Variants in SMAD2 observed in about 807,000 individuals in gnomAD.
SMAD2 encodes the protein SMAD family member 2, also known as MAD homolog 2.
Under a neutral mutation model 64.4 loss-of-function variants are expected in SMAD2, and 8 were observed. The ratio of observed to expected loss-of-function variants is 0.12; its 90% confidence interval spans 0.07 to 0.22. The LOEUF (loss-of-function observed/expected upper bound fraction) is 0.22, where lower values mean the gene tolerates loss of function less well. Among genes scored for constraint, SMAD2 ranks in the 10% least tolerant of loss-of-function variants. The probability of loss-of-function intolerance (pLI) is 1.00; values close to 1 mark genes in which losing one functional copy is unlikely to be tolerated. For missense variants in SMAD2, 289 were observed against 561.2 expected (o/e 0.51, Z 4.90); for synonymous variants, 203 against 195.8 (o/e 1.04, Z -0.31).
At chr18:47,846,221 T>G (rs921304701) in intron 8 of SMAD2, among the ~76,000 whole-genome samples, 2 of 152,116 alleles carry the variant, frequency 1.3e-5, no homozygotes, top group Admixed American at 6.5e-5. Context: ...CATCAAAAAG[T>G]CATTTGCCAT....
intron 1 of SMAD2, among the ~76,000 whole-genome samples, chr18:47,927,863 C>A (rs554145053): frequency 1.3e-5 from 2 of 152,344 alleles, no homozygotes; most frequent in African/African-American, 4.8e-5. Context: ...CGTGCCATTG[C>A]ACTCCAGCCT....
Position 47,831,298 on chromosome 18 carries a change from G to C in SMAD2, c.*10529C>G, listed in dbSNP as rs1912980625. ...CACACAGGTGAGAGTTCTGTTCCAA[G>C]ATCTCATTTTGACCTTCTTCAAAGG... On this transcript the variant is annotated 3_prime_UTR_variant, in exon 11 of 11. Transcript: ENST00000262160. 2 of 152,168 alleles carry C rather than the reference G, an allele frequency of 1.3e-5. No individual in the cohort carries two copies. Among genetic ancestry groups the C allele is most frequent in the African/African-American group, 2.4e-5 (1 of 41,434 alleles). The allele number at this position is 152,168 out of a possible 1,614,324, so 9.4% of individuals were successfully genotyped here.
chr18:47,851,321 G>A lies in SMAD2; in HGVS notation c.737C>T (p.Pro246Leu). The A allele has an allele frequency of 6.2e-7, 1 of 1,607,008 alleles. No individual in the cohort carries two copies. Among genetic ancestry groups the A allele is most frequent in the Non-Finnish European group, 8.5e-7 (1 of 1,174,096 alleles). Residue 246 changes from proline (P) to leucine (L), a missense_variant, in exon 7 of 11, where the codon CCA (proline) becomes CTA (leucine). Physicochemically the swap from Pro to Leu is moderately conservative, Grantham distance 98 (BLOSUM62 -3). Transcript: ENST00000262160. ...QLNQSMDTGSPAELSPTTLSP... is the reference protein window; with the variant it reads ...QLNQSMDTGSLAELSPTTLSP... ...AAGAGTAGTAGGAGATAGTTCTGCT[G>A]GAGAGCCTAAAACAAAAGGATTTAA...
intron 2 of SMAD2, among the ~76,000 whole-genome samples, chr18:47,880,670 T>C (rs1248719238): frequency 2.6e-5 from 4 of 152,228 alleles, no homozygotes; most frequent in African/African-American, 9.6e-5. Context: ...ACATTTTCTT[T>C]GTTCTTTGTA....
chr18:47,853,742 A>AAAATCTGCTGGCAAGTCAC (rs141065248), intron 6 of SMAD2, among the ~76,000 whole-genome samples: 24 of 150,444 alleles, frequency 1.6e-4, no homozygotes, highest in African/African-American at 2.7e-4. Context: ...CTCAGTTTGA[A>AAAATCTGCTGGCAAGTCAC]AAATCTGCTG....
intron 6 of SMAD2, among the ~76,000 whole-genome samples, chr18:47,862,397 GCT>G (rs1447058218): frequency 2.6e-5 from 4 of 152,190 alleles, no homozygotes; most frequent in Non-Finnish European, 5.9e-5. Context: ...GCAAAGCCAT[GCT>G]CTCTCAAAGG....
chr18:47,916,455 C>T (rs780685608), intron 1 of SMAD2, among the ~76,000 whole-genome samples: 10 of 152,234 alleles, frequency 6.6e-5, no homozygotes, highest in African/African-American at 2.2e-4. Flanking sequence ...CTCACTCTGT[C>T]GCCCAGGCTG....
chr18:47,814,917 A>G lies in SMAD2; in HGVS notation c.*26910T>C, dbSNP rs1912318564. The stretch of plus-strand genomic sequence containing the variant: ...GGTAGAGACCTTGAGACCAAAGGCA[A>G]TGACAGAGTTGTGGTCAGGAGCAGG... On this transcript the variant is annotated 3_prime_UTR_variant, in exon 11 of 11. Transcript: ENST00000262160. The G allele has an allele frequency of 6.6e-6, 1 of 152,438 alleles. No homozygotes were observed. Among genetic ancestry groups the G allele is most frequent in the Admixed American group, 6.5e-5 (1 of 15,288 alleles). 9.4% of individuals were successfully genotyped at this position (152,438 alleles called of 1,614,324 possible). A position where few individuals can be genotyped will look rare whatever the true frequency, so the allele number is the denominator to read the frequency against.
chr18:47,879,426 G>A (rs2032455170), intron 2 of SMAD2, among the ~76,000 whole-genome samples: 1 of 150,808 alleles, frequency 6.6e-6, no homozygotes, highest in Non-Finnish European at 1.5e-5. Flanking sequence ...AATGGAATAT[G>A]GTACATATTC....
intron 1 of SMAD2, among the ~76,000 whole-genome samples, chr18:47,919,161 CAA>C (rs1429424868): frequency 6.6e-6 from 1 of 151,844 alleles, no homozygotes; most frequent in African/African-American, 2.4e-5. Context: ...TAAACAAAGT[CAA>C]GAGAGCAATG....
At chr18:47,920,805 T>C (rs8092786) in intron 1 of SMAD2, among the ~76,000 whole-genome samples, 3,608 of 152,336 alleles carry the variant, frequency 0.024, 150 homozygotes, top group African/African-American at 0.082. Context: ...TTATTTGTTG[T>C]AGCATTGTTT....
At chr18:47,910,186 A>T (rs1488100940) in intron 1 of SMAD2, among the ~76,000 whole-genome samples, 1 of 151,152 alleles carries the variant, frequency 6.6e-6, no homozygotes, top group Non-Finnish European at 1.5e-5. Flanking sequence ...AAAAAAAAAA[A>T]AGTGGGGAGT....
At chr18:47,918,186 G>A (rs1427826207) in intron 1 of SMAD2, among the ~76,000 whole-genome samples, 2 of 152,150 alleles carry the variant, frequency 1.3e-5, no homozygotes, top group African/African-American at 4.8e-5. Flanking sequence ...CTGCCTCAAC[G>A]TTTACTTTCT....
chr18:47,903,877 G>GT (rs1491504118), intron 1 of SMAD2, among the ~76,000 whole-genome samples: 1,043 of 26,582 alleles, frequency 0.039, 62 homozygotes, highest in African/African-American at 0.089. Flanking sequence ...AAAACAGTGT[G>GT]GGGGGGGGGG....
At chr18:47,929,478 CAT>C (rs753853575) in intron 1 of SMAD2, among the ~76,000 whole-genome samples, 23 of 152,184 alleles carry the variant, frequency 1.5e-4, no homozygotes, top group Non-Finnish European at 2.6e-4. Flanking sequence ...TTATTTTACA[CAT>C]GTCGTTTTAA....
chr18:47,848,715 T>C (rs374864221), intron 7 of SMAD2, 28 bp from the exon 8 acceptor site: 89 of 1,491,878 alleles, frequency 6.0e-5, no homozygotes, highest in Non-Finnish European at 3.8e-5. Context: ...AAAAAAATAA[T>C]AAAAGGAAGA....
rs747682154 is a variant in SMAD2 at position 47,821,530 on chromosome 18, T to C, written c.*20297A>G. 2 of 152,244 alleles carry C rather than the reference T, an allele frequency of 1.3e-5. No individual in the cohort carries two copies. Among genetic ancestry groups the C allele is most frequent in the Non-Finnish European group, 2.9e-5 (2 of 68,048 alleles). 9.4% of individuals were successfully genotyped at this position (152,244 alleles called of 1,614,324 possible). On this transcript the variant is annotated 3_prime_UTR_variant, in exon 11 of 11. Transcript: ENST00000262160. Reference sequence around the variant, plus strand: ...GAGCCATGTATTCTGTTCAACATACTAGCTTTCTTATTTACATTCCTCTAT... The same window carrying C: ...GAGCCATGTATTCTGTTCAACATACCAGCTTTCTTATTTACATTCCTCTAT...
chr18:47,879,495 CGTGTGTGTGTGTGTGTGTGTGT>C (rs58440360), intron 2 of SMAD2, among the ~76,000 whole-genome samples: 3 of 141,340 alleles, frequency 2.1e-5, no homozygotes, highest in African/African-American at 7.7e-5. Flanking sequence ...ATGTATATGA[CGTGTGTGTGTGTGTGTGTGTGT>C]GTGTGTGTGT....
At chr18:47,848,438 A>G (rs763634582) in intron 8 of SMAD2, 37 bp downstream of exon 8, 10 of 1,446,844 alleles carry the variant, frequency 6.9e-6, no homozygotes, top group Middle Eastern at 3.5e-4. Flanking sequence ...ATGAGTATAC[A>G]GCATTTATTT....
Sources: allele counts gnomAD v4.1 joint callset (sites outside exome capture counted in the v4.1 genomes callset), GRCh38; gene constraint gnomAD v4.1.1; transcripts MANE v1.5; gene names NCBI Gene and HGNC (gene_info 2026-07-23, HGNC 2026-07-21).